Variants in YLPM1 observed in about 807,000 individuals in gnomAD.
YLPM1 encodes YLP motif containing 1.
A neutral mutation model predicts 230.0 loss-of-function variants in YLPM1; 99 were observed. The observed-to-expected ratio is 0.43, with a 90% CI of 0.37 to 0.51. The LOEUF (loss-of-function observed/expected upper bound fraction) is 0.51. Ranked by LOEUF, YLPM1 falls within the 20% of genes least tolerant of loss-of-function variation. The pLI is 0.00. For synonymous variants in YLPM1, 984 were observed against 942.5 expected (o/e 1.04, Z -0.81); for missense variants, 2,592 against 2,707.7 (o/e 0.96, Z 0.95).
At chr14:74,769,862 C>G (rs765057084) in intron 1 of YLPM1, among the ~76,000 whole-genome samples, 1 of 94,946 alleles carries the variant, frequency 1.1e-5, no homozygotes, top group Non-Finnish European at 2.2e-5. Context: ...CCCCCCCCCC[C>G]GCCCCCCGCC....
At chr14:74,811,522 C>A in intron 9 of YLPM1, 98 bp from the exon 10 acceptor site, 1 of 802,890 alleles carries the variant, frequency 1.2e-6, no homozygotes. Context: ...GGAGTACCTT[C>A]CTATAGAGAA....
intron 4 of YLPM1, among the ~76,000 whole-genome samples, chr14:74,784,042 AG>A (rs758783287): frequency 8.5e-5 from 13 of 152,222 alleles, no homozygotes; most frequent in Admixed American, 2.0e-4. Context: ...CTATACTGTC[AG>A]TGCTTATTTG....
At position 74,778,660 on chromosome 14, in the gene YLPM1, C is replaced by T; in HGVS notation, c.1087C>T (p.Pro363Ser). Residue 363 changes from proline to serine, a missense_variant, in exon 2 of 21, where the codon CCT (proline) becomes TCT (serine). By Grantham distance (74) the Pro-to-Ser change is moderately conservative. Around this residue, in one of 4 missense-constraint regions of YLPM1, gnomAD observed 1,862 missense variants for 1,819.8 expected, o/e 1.02. Transcript: ENST00000325680. The part of the protein sequence containing the change: ...LPPPNEEVPP[P>S]LPPEEPQSED... ...ACCTCCAAATGAGGAAGTGCCACCT[C>T]CTCTCCCACCTGAGGAACCCCAGGT... 1 of 1,575,234 alleles carries T rather than the reference C, an allele frequency of 6.3e-7. No individual in the cohort carries two copies. The highest frequency in any genetic ancestry group is 1.2e-5 in the South Asian group (1 of 85,502).
chr14:74,795,254 G>A (rs1458136323), intron 4 of YLPM1, among the ~76,000 whole-genome samples: 5 of 152,160 alleles, frequency 3.3e-5, no homozygotes, highest in Non-Finnish European at 7.3e-5. Context: ...AGTAAAGTTG[G>A]GGTCTCAACT....
intron 1 of YLPM1, among the ~76,000 whole-genome samples, chr14:74,775,134 A>G (rs759400374): frequency 3.3e-5 from 5 of 152,206 alleles, no homozygotes; most frequent in Non-Finnish European, 5.9e-5. Context: ...GTTAAACGTC[A>G]AGATGGAGTT....
Position 74,836,012 on chromosome 14 carries a change from G to A in YLPM1, c.*274G>A. 1 of 408,390 alleles carries A rather than the reference G, an allele frequency of 2.4e-6. No homozygotes were observed. The highest frequency in any genetic ancestry group is 1.8e-5 in the South Asian group (1 of 55,600). 25.3% of individuals were successfully genotyped at this position (408,390 alleles called of 1,614,324 possible). A position where few individuals can be genotyped will look rare whatever the true frequency, so the allele number is the denominator to read the frequency against. ...AACTGCTGAAGCCAGGCGGGGGTCT[G>A]CTGGAGGATTCCAACAGAGAGTATT... On this transcript the variant is annotated 3_prime_UTR_variant, in exon 21 of 21. Transcript: ENST00000325680.
At chr14:74,815,573 A>G (rs1346463549) in intron 11 of YLPM1, among the ~76,000 whole-genome samples, 3 of 152,106 alleles carry the variant, frequency 2.0e-5, no homozygotes, top group South Asian at 4.1e-4. Context: ...AAAAAAAAAA[A>G]AAAAGTTGGT....
chr14:74,802,258 G>A (rs1032270478), intron 5 of YLPM1, among the ~76,000 whole-genome samples: 2 of 151,258 alleles, frequency 1.3e-5, no homozygotes, highest in African/African-American at 4.9e-5. Flanking sequence ...CTTTTGGTTG[G>A]ATTAAAGAAA....
chr14:74,793,049 A>G (rs1481200231), intron 4 of YLPM1, among the ~76,000 whole-genome samples: 1 of 152,196 alleles, frequency 6.6e-6, no homozygotes, highest in East Asian at 1.9e-4. Flanking sequence ...CACATTGTGT[A>G]GGTGTTATAC....
At chr14:74,793,601 T>A (rs371949505) in intron 4 of YLPM1, among the ~76,000 whole-genome samples, 5 of 152,216 alleles carry the variant, frequency 3.3e-5, no homozygotes, top group African/African-American at 1.2e-4. Context: ...TATCTTTAGT[T>A]TTTCTTTCAT....
At chr14:74,793,892 A>G (rs2091232381) in intron 4 of YLPM1, among the ~76,000 whole-genome samples, 1 of 152,140 alleles carries the variant, frequency 6.6e-6, no homozygotes, top group African/African-American at 2.4e-5. Context: ...TTCCTTCCCT[A>G]GCACCCCCTA....
In YLPM1 at chr14:74,812,673, C is replaced by T. The variant is rs2140128580; in HGVS notation, c.5393C>T (p.Pro1798Leu). 1 of 1,613,590 alleles carries T rather than the reference C, an allele frequency of 6.2e-7. No individual in the cohort carries two copies. Among genetic ancestry groups the T allele is most frequent in the East Asian group, 2.2e-5 (1 of 44,852 alleles). The change falls in exon 11 of 21, where the codon CCT (proline) becomes CTT (leucine). Residue 1798 changes from proline (P) to leucine (L), a missense_variant. Physicochemically the swap from Pro to Leu is moderately conservative, Grantham distance 98 (BLOSUM62 -3). Around this residue, in one of 4 missense-constraint regions of YLPM1, gnomAD observed 403 missense variants for 426.7 expected, o/e 0.94. Coordinates refer to ENST00000325680, the MANE Select transcript of YLPM1 (RefSeq NM_019589.3). ...YPEERMPLPA[P>L]SLSHQPPPAP... ...GAGGAGCGAATGCCTCTGCCAGCTCCTTCACTGAGCCACCAGCCTCCTCCA... is the reference window on the plus strand; with the variant it reads ...GAGGAGCGAATGCCTCTGCCAGCTCTTTCACTGAGCCACCAGCCTCCTCCA...
chr14:74,830,911 T>A (rs998202986), intron 19 of YLPM1, among the ~76,000 whole-genome samples: 1 of 152,194 alleles, frequency 6.6e-6, no homozygotes, highest in Non-Finnish European at 1.5e-5. Flanking sequence ...CAATTCAACA[T>A]GAGATTTGAA....
chr14:74,822,554 T>C (rs1392962488), intron 17 of YLPM1, among the ~76,000 whole-genome samples: 1 of 152,152 alleles, frequency 6.6e-6, no homozygotes, highest in Non-Finnish European at 1.5e-5. Flanking sequence ...GAGAGTAATA[T>C]AGTTTAAAGG....
Position 74,809,767 on chromosome 14 carries a change from C to A in YLPM1, c.4909C>A (p.Gln1637Lys). ...MPPMSKPPPVQQTVDYGHGRD... is the reference protein window; with the variant it reads ...MPPMSKPPPVKQTVDYGHGRD... ...ACCAATGTCCAAGCCACCACCAGTACAACAGACTGTTGATTATGGCCATGG... is the reference window on the plus strand; with the variant it reads ...ACCAATGTCCAAGCCACCACCAGTAAAACAGACTGTTGATTATGGCCATGG... The change falls in exon 7 of 21, where the codon CAA becomes AAA. Residue 1637 changes from glutamine (Q) to lysine (K), a missense_variant. Gln to Lys is a moderately conservative substitution (Grantham distance 53). Coordinates refer to ENST00000325680, the MANE Select transcript of YLPM1 (RefSeq NM_019589.3). 2 of 1,614,040 alleles carry A rather than the reference C, an allele frequency of 1.2e-6. No individual in the cohort carries two copies. Among genetic ancestry groups the A allele is most frequent in the South Asian group, 2.2e-5 (2 of 91,086 alleles).
intron 1 of YLPM1, among the ~76,000 whole-genome samples, chr14:74,774,900 G>C (rs1328098326): frequency 6.6e-6 from 1 of 152,156 alleles, no homozygotes; most frequent in Non-Finnish European, 1.5e-5. Context: ...AGGGCTCGCT[G>C]CTGCTGTCCA....
In YLPM1 at chr14:74,810,208, A is replaced by G; in HGVS notation, c.5033-17A>G. On this transcript the variant is annotated splice_polypyrimidine_tract_variant and intron_variant, in intron 8 of 20. Coordinates refer to ENST00000325680, the MANE Select transcript of YLPM1 (RefSeq NM_019589.3). ...TATAAAAGGGATATAGTTATTTTGT[A>G]CTAATTGTTTTTGTAGAGCATGCAG... 6.2e-7 allele frequency: 1 copy of G among 1,610,870 alleles called. No homozygotes were observed. Among genetic ancestry groups the G allele is most frequent in the South Asian group, 1.1e-5 (1 of 90,744 alleles).
intron 1 of YLPM1, among the ~76,000 whole-genome samples, chr14:74,769,109 T>C (rs1240141137): frequency 6.6e-6 from 1 of 151,346 alleles, no homozygotes; most frequent in Non-Finnish European, 1.5e-5. Context: ...GGAGTCTCGC[T>C]CTGTTGCCCA....
chr14:74,781,624 T>C lies in YLPM1; in HGVS notation c.1581T>C (p.Pro527=). 6.2e-7 allele frequency: 1 copy of C among 1,613,902 alleles called. No homozygotes were observed. The part of the protein sequence containing the change: ...PPPFVPYSQM[P]PPLPTMPPPV... ...CTTTTGTTCCATATTCTCAGATGCC[T>C]CCACCTCTACCTACAATGCCCCCTC... Residue 527 remains proline (P), a synonymous_variant, in exon 4 of 21, where the codon CCT becomes CCC. Transcript: ENST00000325680.
Sources: gnomAD v4.1 joint callset for allele counts (sites outside exome capture counted in the v4.1 genomes callset) on GRCh38, gnomAD v4.1.1 for gene constraint, gnomAD v4.1.1 regional missense constraint, MANE v1.5 for transcripts, NCBI Gene and HGNC (gene_info 2026-07-23, HGNC 2026-07-21) for gene names.